INPP4B: variants seen among roughly 807,000 people sequenced by gnomAD.
INPP4B encodes the protein inositol polyphosphate-4-phosphatase type II B.
A neutral mutation model predicts 122.5 loss-of-function variants in INPP4B; 55 were observed. The observed-to-expected ratio is 0.45, with a 90% CI of 0.36 to 0.56. INPP4B has a LOEUF of 0.56. INPP4B is among the 20% of genes least tolerant of loss of function. INPP4B has a pLI of 0.00. For synonymous variants in INPP4B, 403 were observed against 388.7 expected, an observed-to-expected ratio of 1.04 and a Z score of -0.43; for missense variants, 1,000 against 1,097.7, an observed-to-expected ratio of 0.91 and a Z score of 1.26.
At chr4:142,613,181 C>G (rs957303483) in intron 2 of INPP4B, among the ~76,000 whole-genome samples, 1 of 152,164 alleles carries the variant, frequency 6.6e-6, no homozygotes, top group Admixed American at 6.5e-5. Flanking sequence ...CAGTCTTTAA[C>G]TGTCAATCTA....
intron 2 of INPP4B, 149 bp downstream of exon 2, chr4:142,725,690 T>C: frequency 2.6e-6 from 1 of 384,434 alleles, no homozygotes; most frequent in East Asian, 3.7e-5. Flanking sequence ...AATCTGATGA[T>C]CATCGTAAGG....
chr4:142,626,849 G>T (rs1666413541), intron 2 of INPP4B, among the ~76,000 whole-genome samples: 1 of 152,026 alleles, frequency 6.6e-6, no homozygotes, highest in South Asian at 2.1e-4. Flanking sequence ...TAAACTAGTA[G>T]TGTTTGATGC....
chr4:142,451,374 C>A (rs1258139973), intron 3 of INPP4B, among the ~76,000 whole-genome samples: 2 of 151,422 alleles, frequency 1.3e-5, no homozygotes, highest in Non-Finnish European at 2.9e-5. Flanking sequence ...CCTCAGCCTC[C>A]TGAGTAGCTG....
At chr4:142,451,707 G>A (rs1814269051) in intron 3 of INPP4B, among the ~76,000 whole-genome samples, 1 of 152,146 alleles carries the variant, frequency 6.6e-6, no homozygotes, top group African/African-American at 2.4e-5. Flanking sequence ...CCAAATCACA[G>A]TGAGTAATCC....
intron 1 of INPP4B, among the ~76,000 whole-genome samples, chr4:142,732,412 T>C (rs1040533118): frequency 6.6e-6 from 1 of 152,082 alleles, no homozygotes; most frequent in African/African-American, 2.4e-5. Flanking sequence ...TCATTTCTTT[T>C]AATAAATGAT....
At chr4:142,786,483 T>C (rs1431476093) in intron 1 of INPP4B, among the ~76,000 whole-genome samples, 1 of 152,164 alleles carries the variant, frequency 6.6e-6, no homozygotes, top group African/African-American at 2.4e-5. Flanking sequence ...TCAAATAATG[T>C]ATGTAGATAC....
At chr4:142,656,175 A>C (rs1195622953) in intron 2 of INPP4B, among the ~76,000 whole-genome samples, 1 of 152,120 alleles carries the variant, frequency 6.6e-6, no homozygotes, top group Non-Finnish European at 1.5e-5. Flanking sequence ...ACCAGGTGGG[A>C]AGTGCTCTAG....
intron 2 of INPP4B, among the ~76,000 whole-genome samples, chr4:142,678,929 C>A (rs1758193427): frequency 6.6e-6 from 1 of 151,766 alleles, no homozygotes. Flanking sequence ...CTTCTCTAAT[C>A]CTTAACAATT....
In INPP4B at chr4:142,025,528, T is replaced by G. The variant is rs1048751125; in HGVS notation, c.*3254A>C. On this transcript the variant is annotated 3_prime_UTR_variant, in exon 26 of 26. Coordinates refer to ENST00000262992, the MANE Select transcript of INPP4B (RefSeq NM_001101669.3). Reference sequence around the variant, plus strand: ...GAACGAGCTAGTTCCAGCCCACCAGTGGTATTGTGTCTCTTGGTACACTAT... The same window carrying G: ...GAACGAGCTAGTTCCAGCCCACCAGGGGTATTGTGTCTCTTGGTACACTAT... 6.6e-6 allele frequency: 1 copy of G among 152,156 alleles called. No homozygotes were observed. Among genetic ancestry groups the G allele is most frequent in the Non-Finnish European group, 1.5e-5 (1 of 68,028 alleles). 9.4% of individuals were successfully genotyped at this position (152,156 alleles called of 1,614,324 possible).
chr4:142,612,098 C>T (rs1259937450), intron 2 of INPP4B, among the ~76,000 whole-genome samples: 2 of 152,076 alleles, frequency 1.3e-5, no homozygotes, highest in Non-Finnish European at 2.9e-5. Context: ...GGTGATCACC[C>T]CTCTTCCACC....
chr4:142,156,926 A>G (rs960025566), intron 17 of INPP4B, among the ~76,000 whole-genome samples: 1 of 152,166 alleles, frequency 6.6e-6, no homozygotes, highest in African/African-American at 2.4e-5. Context: ...AGTCACTATC[A>G]GAAATTAAGT....
intron 1 of INPP4B, chr4:142,765,849 T>A (rs983466088): frequency 5.3e-5 from 8 of 152,102 alleles, no homozygotes; most frequent in Non-Finnish European, 7.4e-5. Context: ...CTGGTTTTTT[T>A]TTTTTTAATC....
intron 12 of INPP4B, among the ~76,000 whole-genome samples, chr4:142,219,512 T>C (rs1195782548): frequency 6.6e-6 from 1 of 152,226 alleles, no homozygotes. Context: ...GCTCCACTTA[T>C]TGTCTAAAGC....
chr4:142,595,175 T>G (rs949239212), intron 2 of INPP4B, among the ~76,000 whole-genome samples: 6 of 152,154 alleles, frequency 3.9e-5, no homozygotes, highest in Non-Finnish European at 7.3e-5. Context: ...CATTACCTAA[T>G]TTTTAGTTAT....
intron 7 of INPP4B, chr4:142,384,250 A>G (rs1795183892): frequency 3.1e-6 from 2 of 635,566 alleles, no homozygotes; most frequent in Non-Finnish European, 5.7e-6. Context: ...ATTAGTTAGT[A>G]ACAACTTCAC....
At chr4:142,679,914 A>T (rs1177220142) in intron 2 of INPP4B, among the ~76,000 whole-genome samples, 1 of 151,780 alleles carries the variant, frequency 6.6e-6, no homozygotes, top group Admixed American at 6.6e-5. Context: ...AAAAAAATAG[A>T]TACCCTACGG....
At chr4:142,592,347 AT>A (rs1285306692) in intron 2 of INPP4B, among the ~76,000 whole-genome samples, 2 of 152,192 alleles carry the variant, frequency 1.3e-5, no homozygotes, top group Non-Finnish European at 2.9e-5. Flanking sequence ...AGATTGAAAA[AT>A]AATAATTAGC....
chr4:142,444,879 A>T (rs1812573867), intron 3 of INPP4B, among the ~76,000 whole-genome samples: 1 of 152,164 alleles, frequency 6.6e-6, no homozygotes, highest in Non-Finnish European at 1.5e-5. Flanking sequence ...ATATGGACGA[A>T]GCTGGAAACC....
At chr4:142,198,991 A>G (rs1340016812) in intron 14 of INPP4B, among the ~76,000 whole-genome samples, 1 of 152,032 alleles carries the variant, frequency 6.6e-6, no homozygotes, top group Non-Finnish European at 1.5e-5. Flanking sequence ...GTATCCAGCT[A>G]GAAATACTTA....
Sources: gnomAD v4.1 joint callset for allele counts (sites outside exome capture counted in the v4.1 genomes callset) on GRCh38, gnomAD v4.1.1 for gene constraint, MANE v1.5 for transcripts, NCBI Gene and HGNC (gene_info 2026-07-23, HGNC 2026-07-21) for gene names.